The following ABCB9 variants were observed in gnomAD, a reference collection of about 807,000 sequenced individuals.
The protein encoded by ABCB9 is ABC-type oligopeptide transporter ABCB9.
A neutral mutation model predicts 62.0 loss-of-function variants in ABCB9; 36 were observed. The ratio of observed to expected loss-of-function variants is 0.58; its 90% CI spans 0.45 to 0.77. ABCB9 has a LOEUF of 0.77. Ranked by LOEUF, ABCB9 falls within the 30% of genes least tolerant of loss-of-function variation. The pLI, the probability that ABCB9 is intolerant of heterozygous loss-of-function variation, is 0.00. For missense variants in ABCB9, 943 were observed against 1,054.7 expected, an observed-to-expected ratio of 0.89 and a Z score of 1.47; for synonymous variants, 435 against 461.4, an observed-to-expected ratio of 0.94 and a Z score of 0.73.
chr12:122,930,757 G>A lies in ABCB9; in HGVS notation c.2041-586C>T, dbSNP rs1002249052. Among the ~76,000 whole-genome samples the A allele has an allele frequency of 6.6e-5, 10 of 151,418 alleles. No homozygotes were observed. The highest frequency in any genetic ancestry group is 2.5e-4 in the African/African-American group (10 of 40,760). On this transcript the variant is annotated intron_variant, in intron 11 of 11. Transcript: ENST00000280560. The surrounding 1 kb of genome is among the most constrained non-coding windows in gnomAD (Gnocchi z 4.9). ...CCCACTGGAATGGAAACACCATGGG[G>A]ACAAGGGTCTTTGTCTAGTTAGCCC...
chr12:122,950,034 G>T, intron 3 of ABCB9, 116 bp from the exon 4 acceptor site: 2 of 1,428,806 alleles, frequency 1.4e-6, no homozygotes, highest in Non-Finnish European at 1.9e-6. Flanking sequence ...CCACTCCAGG[G>T]CTGGCATCCC....
At chr12:122,957,959 C>T (rs990095467) in intron 2 of ABCB9, among the ~76,000 whole-genome samples, 1 of 151,334 alleles carries the variant, frequency 6.6e-6, no homozygotes, top group Non-Finnish European at 1.5e-5. Context: ...CGCTTGAACT[C>T]AGGAGTTTGA....
intron 4 of ABCB9, 170 bp from the exon 5 acceptor site, chr12:122,948,999 G>T: frequency 1.8e-6 from 1 of 544,126 alleles, no homozygotes; most frequent in Non-Finnish European, 3.2e-6. Flanking sequence ...GCTACTCTGA[G>T]CCAATCCCAG....
At chr12:122,918,851 A>G (rs2034682979), downstream of ABCB9, among the ~76,000 whole-genome samples, 1 of 152,132 alleles carries the variant, frequency 6.6e-6, no homozygotes. Context: ...AAACTTTCTC[A>G]TCACCCTGTA....
intron 2 of ABCB9, among the ~76,000 whole-genome samples, chr12:122,957,655 T>G (rs1270949236): frequency 1.3e-5 from 2 of 148,528 alleles, no homozygotes; most frequent in African/African-American, 4.9e-5. Flanking sequence ...ACAACTAAAA[T>G]ATTAATATCT....
chr12:122,942,317 G>A (rs2035803899), intron 7 of ABCB9, among the ~76,000 whole-genome samples: 1 of 152,072 alleles, frequency 6.6e-6, no homozygotes, highest in Non-Finnish European at 1.5e-5. Context: ...GCCGGGCACA[G>A]TGGCTCACAC....
Position 122,948,813 on chromosome 12 carries a change from G to A in ABCB9, c.864C>T (p.Arg288=). 6.3e-7 allele frequency: 1 copy of A among 1,575,294 alleles called. No homozygotes were observed. The change falls in exon 5 of 12, where the codon CGC becomes CGT. Residue 288 remains arginine (R), a synonymous_variant. Transcript: ENST00000280560. ...DENRTGDLIS[R]LTSDTTMVSD... is the part of the protein sequence containing the mutation. ...TGACCATGGTGGTGTCCGAGGTCAGGCGGGAGATGAGGTCCCCTGGAACAC... is the reference window on the plus strand; with the variant it reads ...TGACCATGGTGGTGTCCGAGGTCAGACGGGAGATGAGGTCCCCTGGAACAC...
At chr12:122,958,804 T>C (rs1019151710) in intron 2 of ABCB9, among the ~76,000 whole-genome samples, 4 of 152,096 alleles carry the variant, frequency 2.6e-5, no homozygotes, top group African/African-American at 9.7e-5. Flanking sequence ...ATCATGCCAC[T>C]GCACTACAGC....
Position 122,929,118 on chromosome 12 carries a change from A to G in ABCB9, c.*793T>C. 1.0e-6 allele frequency: 1 copy of G among 985,846 alleles called. No individual in the cohort carries two copies. Among genetic ancestry groups the G allele is most frequent in the Non-Finnish European group, 1.2e-6 (1 of 829,954 alleles). The allele number at this position is 985,846 out of a possible 1,614,324, so 61.1% of individuals were successfully genotyped here. On this transcript the variant is annotated 3_prime_UTR_variant, in exon 12 of 12. Coordinates refer to ENST00000280560, the MANE Select transcript of ABCB9 (RefSeq NM_019625.4). This position sits in a 1 kb window ranked among gnomAD's most constrained non-coding sequence, Gnocchi z 6.0. The stretch of plus-strand genomic sequence containing the variant: ...AAGACAGAAGAGAATGCATCTCATG[A>G]ACATCCACGTGGCCTCCAGACAGCA...
chr12:122,949,626 G>A (rs1482347701), intron 4 of ABCB9, among the ~76,000 whole-genome samples, 162 bp downstream of exon 4: 2 of 152,318 alleles, frequency 1.3e-5, no homozygotes, highest in East Asian at 3.9e-4. Flanking sequence ...CCAGCTCCCA[G>A]GACACAGGCC....
rs1208938108 is a variant in ABCB9 at position 122,930,660 on chromosome 12, C to T, written c.2041-489G>A. Among the ~76,000 whole-genome samples the T allele has an allele frequency of 3.3e-5, 5 of 151,988 alleles. No individual in the cohort carries two copies. Among genetic ancestry groups the T allele is most frequent in the Non-Finnish European group, 5.9e-5 (4 of 68,016 alleles). On this transcript the variant is annotated intron_variant, in intron 11 of 11. Coordinates refer to ENST00000280560, the MANE Select transcript of ABCB9 (RefSeq NM_019625.4). The surrounding 1 kb of genome is among the most constrained non-coding windows in gnomAD (Gnocchi z 4.9). ...CCTGACTTTGTGATCCGCCTGGCCT[C>T]GGCCTCCCAAAGTGCTGGGATTACA...
chr12:122,968,179 G>A (rs1407341576), upstream of ABCB9, among the ~76,000 whole-genome samples: 1 of 152,188 alleles, frequency 6.6e-6, no homozygotes, highest in Non-Finnish European at 1.5e-5. Context: ...GTTACTATTG[G>A]TGCAAAAACA....
intron 2 of ABCB9, chr12:122,952,983 C>G (rs1342320466): frequency 6.6e-6 from 1 of 152,254 alleles, no homozygotes; most frequent in African/African-American, 2.4e-5. Flanking sequence ...TGGCTCAAAA[C>G]AGTCCAAATC....
At position 122,940,983 on chromosome 12, in the gene ABCB9, C is replaced by T. The variant is rs755498117; in HGVS notation, c.1393G>A (p.Val465Ile). Residue 465 changes from valine to isoleucine, a missense_variant, in exon 8 of 12, where the codon GTC becomes ATC. Val to Ile is a conservative substitution (Grantham distance 29). Coordinates refer to ENST00000280560, the MANE Select transcript of ABCB9 (RefSeq NM_019625.4). The surrounding 1 kb of genome is among the most constrained non-coding windows in gnomAD (Gnocchi z 4.8). ...LGDCMESVGS[V>I]YSGLMQGVGA... is the part of the protein sequence containing the mutation. ...ACTCCCTGCATCAGGCCACTGTAGACGGAGCCCACGGACTGGGGAGAGGAG... is the reference window on the plus strand; with the variant it reads ...ACTCCCTGCATCAGGCCACTGTAGATGGAGCCCACGGACTGGGGAGAGGAG... 26 of 1,604,614 alleles carry T rather than the reference C, an allele frequency of 1.6e-5. No individual in the cohort carries two copies. The highest frequency in any genetic ancestry group is 4.4e-5 in the South Asian group (4 of 90,128).
downstream of ABCB9, among the ~76,000 whole-genome samples, chr12:122,920,418 C>T (rs949459009): frequency 2.0e-5 from 3 of 150,654 alleles, no homozygotes; most frequent in African/African-American, 7.3e-5. Context: ...ATTAGATAAG[C>T]CTATAAACCT....
chr12:122,919,844 G>T (rs900631021), downstream of ABCB9, among the ~76,000 whole-genome samples: 1 of 151,906 alleles, frequency 6.6e-6, no homozygotes, highest in East Asian at 1.9e-4. Context: ...TTAGGTCGCT[G>T]TTAGGACCTC....
chr12:122,919,625 A>ACTCTCTTGT (rs2034699097), downstream of ABCB9, among the ~76,000 whole-genome samples: 1 of 151,482 alleles, frequency 6.6e-6, no homozygotes. Flanking sequence ...CTCCCAAGTC[A>ACTCTCTTGT]CTCTCTTGTC....
chr12:122,950,765 G>C, intron 2 of ABCB9, 200 bp from the exon 3 acceptor site: 1 of 534,162 alleles, frequency 1.9e-6, no homozygotes, highest in Non-Finnish European at 3.4e-6. Context: ...GGAGCACTGG[G>C]CCTTGCATCC....
At chr12:122,949,622 C>G (rs1183035448) in intron 4 of ABCB9, among the ~76,000 whole-genome samples, 166 bp downstream of exon 4, 1 of 152,204 alleles carries the variant, frequency 6.6e-6, no homozygotes. Flanking sequence ...CAAGCCAGCT[C>G]CCAGGACACA....
Sources: gnomAD v4.1 joint callset for allele counts (sites outside exome capture counted in the v4.1 genomes callset) on GRCh38, gnomAD v4.1.1 for gene constraint, Gnocchi (gnomAD v3.1) non-coding constraint, MANE v1.5 for transcripts, NCBI Gene and HGNC (gene_info 2026-07-23, HGNC 2026-07-21) for gene names.